Variants in SVIL observed in about 807,000 individuals in gnomAD.
The protein encoded by SVIL is archvillin.
A neutral mutation model predicts 240.4 loss-of-function variants in SVIL; 101 were observed. The observed-to-expected ratio is 0.42, with a 90% CI of 0.36 to 0.50. SVIL has a LOEUF of 0.50. Ranked by LOEUF, SVIL falls within the 20% of genes least tolerant of loss-of-function variation. The pLI is 0.01. For missense variants in SVIL, 2,512 were observed against 2,818.7 expected (o/e 0.89, Z 2.46); for synonymous variants, 999 against 1,100.0 (o/e 0.91, Z 1.82).
intron 17 of SVIL, among the ~76,000 whole-genome samples, chr10:29,503,778 C>A (rs115652497): frequency 0.021 from 3,207 of 152,194 alleles, 109 homozygotes; most frequent in African/African-American, 0.074. Context: ...CAGGTTTTCC[C>A]AACTTGAGCT....
intron 1 of SVIL, among the ~76,000 whole-genome samples, chr10:29,722,236 AAAAG>A (rs1386441528): frequency 2.0e-5 from 3 of 151,106 alleles, no homozygotes; most frequent in Non-Finnish European, 4.4e-5. Flanking sequence ...AAAAAAAAAA[AAAAG>A]AAAGAAAGAA....
chr10:29,595,121 A>T (rs1236794512), intron 1 of SVIL, among the ~76,000 whole-genome samples: 1 of 152,170 alleles, frequency 6.6e-6, no homozygotes, highest in Non-Finnish European at 1.5e-5. Context: ...CTCTGTGGAA[A>T]CTGTGATTCT....
intron 1 of SVIL, among the ~76,000 whole-genome samples, chr10:29,603,706 T>A (rs986812777): frequency 7.9e-5 from 12 of 152,324 alleles, no homozygotes; most frequent in African/African-American, 2.9e-4. Flanking sequence ...TTCATGGAAC[T>A]ACTCACCCAG....
intron 17 of SVIL, among the ~76,000 whole-genome samples, chr10:29,508,918 CCGT>C (rs370233552): frequency 6.6e-5 from 10 of 152,340 alleles, no homozygotes; most frequent in African/African-American, 9.6e-5. Flanking sequence ...GTGGGAGCCA[CCGT>C]GTGTGCCTTA....
rs899699507 is a variant in SVIL, at chr10:29,603,075, G to A, written c.-201+31345C>T. On this transcript the variant is annotated intron_variant, in intron 1 of 37. Coordinates refer to ENST00000355867, the MANE Select transcript of SVIL (RefSeq NM_021738.3). Reference sequence around the variant, plus strand: ...ATGAAGGACTTCTTACCATCCTGACGACTGAAACTCGAGACTCCTTCCCCT... The same window carrying A: ...ATGAAGGACTTCTTACCATCCTGACAACTGAAACTCGAGACTCCTTCCCCT... Among the ~76,000 whole-genome samples the A allele has an allele frequency of 2.4e-4, 31 of 127,990 alleles. No individual in the cohort carries two copies. The East Asian group carries it at 2.6e-3, about 11-fold the overall frequency. The allele number at this position is 127,990 out of a possible 152,430, so 84.0% of individuals were successfully genotyped here.
intron 17 of SVIL, among the ~76,000 whole-genome samples, chr10:29,502,446 GA>G (rs1366996612): frequency 3.3e-5 from 5 of 152,128 alleles, no homozygotes; most frequent in Non-Finnish European, 5.9e-5. Context: ...CTTGTTTAGA[GA>G]AGGATGTTAT....
chr10:29,524,571 G>A lies in SVIL; in HGVS notation c.2487C>T (p.Val829=). The change falls in exon 14 of 38, where the codon GTC becomes GTT. Residue 829 remains valine, a synonymous_variant. Coordinates refer to ENST00000355867, the MANE Select transcript of SVIL (RefSeq NM_021738.3). ...LALFNKLSQP[V]SKAISTRNRI... is the part of the protein sequence containing the mutation. Reference sequence around the variant, plus strand: ...TGTTCCGGGTAGAAATCGCTTTTGAGACTGGCTGGGACAATTTGTTAAACA... The same window carrying A: ...TGTTCCGGGTAGAAATCGCTTTTGAAACTGGCTGGGACAATTTGTTAAACA... The A allele has an allele frequency of 6.2e-7, 1 of 1,614,138 alleles. No individual in the cohort carries two copies. Among genetic ancestry groups the A allele is most frequent in the African/African-American group, 1.3e-5 (1 of 75,036 alleles).
chr10:29,536,867 T>C (rs889286952), intron 6 of SVIL, among the ~76,000 whole-genome samples: 1 of 131,020 alleles, frequency 7.6e-6, no homozygotes. Context: ...GCCGAGATCA[T>C]GCCACTGCAC....
chr10:29,677,381 C>G (rs996837116), intron 2 of SVIL, among the ~76,000 whole-genome samples: 2 of 152,164 alleles, frequency 1.3e-5, no homozygotes, highest in Non-Finnish European at 2.9e-5. Flanking sequence ...CAAGCATGAC[C>G]TAGCCCTGAA....
intron 12 of SVIL, among the ~76,000 whole-genome samples, chr10:29,528,137 GC>G (rs1951069899): frequency 6.6e-6 from 1 of 152,116 alleles, no homozygotes. Context: ...TTACTGTTTT[GC>G]TCCCATGGGT....
intron 2 of SVIL, among the ~76,000 whole-genome samples, chr10:29,669,259 A>G (rs1959576631): frequency 6.6e-6 from 1 of 152,140 alleles, no homozygotes; most frequent in African/African-American, 2.4e-5. Context: ...TTGCTGGAGG[A>G]AAGAACAAGC....
chr10:29,685,411 C>G (rs912945204), intron 2 of SVIL, among the ~76,000 whole-genome samples: 1 of 152,168 alleles, frequency 6.6e-6, no homozygotes, highest in Admixed American at 6.5e-5. Context: ...TATGGCAGAA[C>G]AATGTATACA....
At chr10:29,511,922 A>G (rs1306501445) in intron 17 of SVIL, among the ~76,000 whole-genome samples, 1 of 152,212 alleles carries the variant, frequency 6.6e-6, no homozygotes, top group Non-Finnish European at 1.5e-5. Context: ...TTAGAGCTAG[A>G]AGGGGCCTGG....
At chr10:29,571,997 G>C (rs1955445597) in intron 1 of SVIL, among the ~76,000 whole-genome samples, 1 of 152,098 alleles carries the variant, frequency 6.6e-6, no homozygotes, top group Admixed American at 6.6e-5. Context: ...GTGCACAGTA[G>C]GGCTGCAGGA....
rs1490333209 is a variant in SVIL, at chr10:29,532,188, G to A, written c.1839-16C>T. 4 of 1,612,700 alleles carry A rather than the reference G, an allele frequency of 2.5e-6. No individual in the cohort carries two copies. The highest frequency in any genetic ancestry group is 1.3e-5 in the African/African-American group (1 of 74,910). ...CCGTGATTTGCTTTGAGAATCAAAGGGCAGAGAGTATAAGGAAGGCAAACG... is the reference window on the plus strand; with the variant it reads ...CCGTGATTTGCTTTGAGAATCAAAGAGCAGAGAGTATAAGGAAGGCAAACG... On this transcript the variant is annotated splice_polypyrimidine_tract_variant and intron_variant, in intron 8 of 37. Coordinates refer to ENST00000355867, the MANE Select transcript of SVIL (RefSeq NM_021738.3).
chr10:29,700,401 T>C (rs553858000), intron 1 of SVIL, among the ~76,000 whole-genome samples: 7 of 151,774 alleles, frequency 4.6e-5, no homozygotes, highest in Admixed American at 3.9e-4. Flanking sequence ...AGGAAAAATT[T>C]TGGGCACACT....
intron 1 of SVIL, among the ~76,000 whole-genome samples, chr10:29,697,141 T>TGG (rs1360495739): frequency 4.9e-5 from 3 of 61,358 alleles, no homozygotes; most frequent in African/African-American, 2.1e-4. Context: ...GGGAGGGAGG[T>TGG]GGGGGGGGTC....
chr10:29,697,074 C>T (rs1179817022), intron 1 of SVIL, among the ~76,000 whole-genome samples: 1 of 125,982 alleles, frequency 7.9e-6, no homozygotes, highest in Non-Finnish European at 1.7e-5. Flanking sequence ...GGCGCCTCTG[C>T]CCGGCCACCC....
At chr10:29,504,701 T>G (rs1949137668) in intron 17 of SVIL, among the ~76,000 whole-genome samples, 1 of 152,178 alleles carries the variant, frequency 6.6e-6, no homozygotes, top group Non-Finnish European at 1.5e-5. Context: ...CAACACCAAA[T>G]GCTGGCAAGG....
Sources: allele counts gnomAD v4.1 joint callset (sites outside exome capture counted in the v4.1 genomes callset), GRCh38; gene constraint gnomAD v4.1.1; transcripts MANE v1.5; gene names NCBI Gene and HGNC (gene_info 2026-07-23, HGNC 2026-07-21).